The following SLC38A12 variants were observed in gnomAD, a reference collection of about 807,000 sequenced individuals.
SLC38A12 encodes putative sodium-coupled neutral amino acid transporter 12.
the SLC38A12 span, chr17:74,837,337 G>A: frequency 6.1e-6 from 6 of 985,508 alleles, no homozygotes; most frequent in Non-Finnish European, 4.8e-6. Context: ...CTGTGGGCGC[G>A]AGCTCCGGAG....
At chr17:74,802,507 C>T in the SLC38A12 span, among the ~76,000 whole-genome samples, 64 of 152,250 alleles carry the variant, frequency 4.2e-4, 1 homozygote, top group African/African-American at 1.3e-3. Flanking sequence ...AGCTGGTGAC[C>T]GACATAGCCC....
the SLC38A12 span, chr17:74,836,005 T>G: frequency 2.5e-6 from 4 of 1,611,942 alleles, no homozygotes; most frequent in South Asian, 4.4e-5. This position sits in a 1 kb window ranked among gnomAD's most constrained non-coding sequence, Gnocchi z 4.2. Flanking sequence ...CTGGCTGACT[T>G]CTCGGGGGTC....
chr17:74,801,070 G>T, the SLC38A12 span, among the ~76,000 whole-genome samples: 1 of 152,204 alleles, frequency 6.6e-6, no homozygotes, highest in Admixed American at 6.5e-5. Flanking sequence ...AGGGGGAAGG[G>T]TGTTGCTTCC....
At chr17:74,806,214 G>GTGAGGATCAAGTTGACCCCTA in the SLC38A12 span, among the ~76,000 whole-genome samples, 1 of 152,160 alleles carries the variant, frequency 6.6e-6, no homozygotes, top group South Asian at 2.1e-4. Context: ...CTTAGGACCT[G>GTGAGGATCAAGTTGACCCCTA]TGAGGATCAA....
chr17:74,831,015 G>T, the SLC38A12 span, among the ~76,000 whole-genome samples: 1 of 152,154 alleles, frequency 6.6e-6, no homozygotes, highest in Non-Finnish European at 1.5e-5. Flanking sequence ...TCTCTACCCC[G>T]CATTGAGCTG....
At chr17:74,839,417 T>C in the SLC38A12 span, 13 of 334,158 alleles carry the variant, frequency 3.9e-5, no homozygotes, top group East Asian at 3.0e-4. Context: ...GGAAGCGTCC[T>C]GTCTGGGGGC....
the SLC38A12 span, chr17:74,795,087 CCTT>C: frequency 6.2e-7 from 1 of 1,614,146 alleles, no homozygotes; most frequent in East Asian, 2.2e-5. Context: ...GCTGCCGTGC[CCTT>C]CTCCCTCATG....
At chr17:74,822,510 TG>T in the SLC38A12 span, among the ~76,000 whole-genome samples, 1 of 152,304 alleles carries the variant, frequency 6.6e-6, no homozygotes, top group South Asian at 2.1e-4. Context: ...GTGGTGACAT[TG>T]TTGTCTTAGC....
At chr17:74,790,895 A>G in the SLC38A12 span, 3 of 1,520,764 alleles carry the variant, frequency 2.0e-6, no homozygotes, top group African/African-American at 4.1e-5. Flanking sequence ...GGTCCTCACC[A>G]CCCTCTGAAG....
At chr17:74,778,811 G>A in the SLC38A12 span, among the ~76,000 whole-genome samples, 2 of 151,990 alleles carry the variant, frequency 1.3e-5, no homozygotes, top group African/African-American at 4.8e-5. Context: ...TGGGACTACA[G>A]GCATGCACCA....
chr17:74,788,716 C>A, the SLC38A12 span: 33 of 1,376,354 alleles, frequency 2.4e-5, no homozygotes, highest in African/African-American at 2.6e-4. Flanking sequence ...TCGGTTCTTA[C>A]AATGGTGTTT....
At chr17:74,838,525 T>A in the SLC38A12 span, 1 of 1,064,282 alleles carries the variant, frequency 9.4e-7, no homozygotes, top group Non-Finnish European at 1.1e-6. Flanking sequence ...CCAGGTTGAT[T>A]TATGTGACAG....
At chr17:74,806,903 C>T in the SLC38A12 span, among the ~76,000 whole-genome samples, 1 of 152,210 alleles carries the variant, frequency 6.6e-6, no homozygotes, top group African/African-American at 2.4e-5. Flanking sequence ...AGCCCCCTCC[C>T]TGGTGTGCAC....
At chr17:74,786,079 C>T in the SLC38A12 span, among the ~76,000 whole-genome samples, 1 of 152,212 alleles carries the variant, frequency 6.6e-6, no homozygotes, top group Admixed American at 6.5e-5. Context: ...CGCCTGGGTG[C>T]ACGATCAAGT....
the SLC38A12 span, among the ~76,000 whole-genome samples, chr17:74,792,046 T>G: frequency 6.6e-6 from 1 of 151,708 alleles, no homozygotes; most frequent in East Asian, 1.9e-4. Flanking sequence ...CTCGGGAGGC[T>G]GAGGCAGGAG....
the SLC38A12 span, among the ~76,000 whole-genome samples, chr17:74,779,105 G>A: frequency 2.0e-5 from 3 of 152,160 alleles, no homozygotes; most frequent in African/African-American, 4.8e-5. Flanking sequence ...AAGTCACCAC[G>A]GCTCCTGCTT....
chr17:74,801,201 T>C, the SLC38A12 span, among the ~76,000 whole-genome samples: 3 of 152,210 alleles, frequency 2.0e-5, no homozygotes, highest in Admixed American at 2.0e-4. Context: ...ACGCACCTCT[T>C]GTCAGTTCCT....
At chr17:74,794,952 A>G in the SLC38A12 span, 42 of 1,443,478 alleles carry the variant, frequency 2.9e-5, no homozygotes, top group East Asian at 9.1e-5. Context: ...AAGAAGAAAA[A>G]AAAAAAAACA....
At chr17:74,801,838 C>T in the SLC38A12 span, among the ~76,000 whole-genome samples, 1 of 152,098 alleles carries the variant, frequency 6.6e-6, no homozygotes, top group Non-Finnish European at 1.5e-5. Flanking sequence ...ATATCTTAGA[C>T]CAGGAATGGC....
Sources: allele counts gnomAD v4.1 joint callset (sites outside exome capture counted in the v4.1 genomes callset), GRCh38; gene constraint gnomAD v4.1.1; non-coding constraint Gnocchi (gnomAD v3.1); transcripts MANE v1.5; gene names NCBI Gene and HGNC (gene_info 2026-07-23, HGNC 2026-07-21).